VEPH1: variants seen among roughly 807,000 people sequenced by gnomAD.
VEPH1 encodes ventricular zone-expressed PH domain-containing protein homolog 1.
Under a neutral mutation model 85.2 loss-of-function variants are expected in VEPH1, and 80 were observed. That is an observed-to-expected ratio of 0.94 (90% CI 0.78 to 1.13). The LOEUF (loss-of-function observed/expected upper bound fraction) is 1.13. VEPH1 is among the 50% of genes most tolerant of loss of function. The pLI is 0.00. For missense variants in VEPH1, 955 were observed against 980.5 expected (o/e 0.97, Z 0.35); for synonymous variants, 297 against 348.0 (o/e 0.85, Z 1.63).
At chr3:157,399,818 T>A (rs1730677898) in intron 6 of VEPH1, among the ~76,000 whole-genome samples, 1 of 152,104 alleles carries the variant, frequency 6.6e-6, no homozygotes, top group African/African-American at 2.4e-5. Context: ...TTTTTTTTTG[T>A]GGAACAAAGC....
At chr3:157,493,940 G>A (rs981495932) in intron 2 of VEPH1, among the ~76,000 whole-genome samples, 2 of 152,146 alleles carry the variant, frequency 1.3e-5, no homozygotes, top group Non-Finnish European at 2.9e-5. Context: ...GATTTGCAGA[G>A]GAGTGTGAAA....
Position 157,397,861 on chromosome 3 carries a change from G to T in VEPH1, c.906+16020C>A, listed in dbSNP as rs114115456. 4.4e-3 allele frequency among the ~76,000 whole-genome samples: 673 copies of T among 152,288 alleles called. 1 individual carries two copies. The highest frequency in any genetic ancestry group is 0.016 in the African/African-American group (646 of 41,568). On this transcript the variant is annotated intron_variant, in intron 6 of 13. Coordinates refer to ENST00000362010, the MANE Select transcript of VEPH1 (RefSeq NM_001167912.2). ...TTCTAAGCAGAGCGCACAACCACAT[G>T]CATTGCTTGAAGTTCTCCCCACTGG...
chr3:157,277,083 G>A (rs925932351), intron 12 of VEPH1, among the ~76,000 whole-genome samples: 3 of 152,066 alleles, frequency 2.0e-5, no homozygotes, highest in Non-Finnish European at 4.4e-5. Flanking sequence ...TAGATATGGG[G>A]TTATGCCATA....
intron 9 of VEPH1, among the ~76,000 whole-genome samples, chr3:157,347,621 T>A (rs144689576): frequency 6.6e-6 from 1 of 152,216 alleles, no homozygotes; most frequent in Admixed American, 6.5e-5. Context: ...CATGTGGTGA[T>A]TGGAAGCCCA....
At chr3:157,463,117 T>A (rs1190418517) in intron 3 of VEPH1, among the ~76,000 whole-genome samples, 2 of 152,162 alleles carry the variant, frequency 1.3e-5, no homozygotes, top group African/African-American at 4.8e-5. Flanking sequence ...CTGAGGCCAG[T>A]TATATTCCTA....
At chr3:157,325,260 T>C (rs1276150157) in intron 9 of VEPH1, among the ~76,000 whole-genome samples, 1 of 152,210 alleles carries the variant, frequency 6.6e-6, no homozygotes, top group Non-Finnish European at 1.5e-5. Context: ...GATGGATAGA[T>C]TGCAAAAATT....
At chr3:157,467,413 A>G (rs2109428830) in intron 3 of VEPH1, among the ~76,000 whole-genome samples, 1 of 152,342 alleles carries the variant, frequency 6.6e-6, no homozygotes, top group East Asian at 1.9e-4. Context: ...ACTGAAAAAA[A>G]AAATAGAAGA....
chr3:157,502,338 T>G (rs1212858948), intron 1 of VEPH1, among the ~76,000 whole-genome samples: 2 of 152,238 alleles, frequency 1.3e-5, no homozygotes, highest in African/African-American at 4.8e-5. Context: ...AGGAAACATT[T>G]CCTTCAAAAA....
At chr3:157,377,505 A>G (rs528143499) in intron 7 of VEPH1, among the ~76,000 whole-genome samples, 2 of 152,192 alleles carry the variant, frequency 1.3e-5, no homozygotes, top group African/African-American at 2.4e-5. Flanking sequence ...CCCCACCCAA[A>G]TCTCATCTTG....
intron 6 of VEPH1, among the ~76,000 whole-genome samples, chr3:157,396,767 T>A (rs1730419134): frequency 6.6e-6 from 1 of 152,228 alleles, no homozygotes. Flanking sequence ...TTCATGTTCT[T>A]TGTCCACTTT....
chr3:157,371,099 G>T (rs959970591), intron 7 of VEPH1, among the ~76,000 whole-genome samples: 1 of 152,146 alleles, frequency 6.6e-6, no homozygotes, highest in Non-Finnish European at 1.5e-5. Flanking sequence ...GGAGGTTTGC[G>T]CAAGTGTTAC....
intron 9 of VEPH1, among the ~76,000 whole-genome samples, chr3:157,356,353 A>G (rs1338134154): frequency 6.6e-6 from 1 of 152,240 alleles, no homozygotes; most frequent in Non-Finnish European, 1.5e-5. Context: ...CCTCAATCCA[A>G]GTAGACTCTG....
intron 7 of VEPH1, among the ~76,000 whole-genome samples, chr3:157,368,487 G>T (rs369846309): frequency 0.017 from 2,321 of 139,228 alleles, 28 homozygotes; most frequent in Middle Eastern, 0.058. Context: ...TTTTTTGTTT[G>T]TTTGTTTGTT....
At chr3:157,347,159 G>A (rs1415665290) in intron 9 of VEPH1, among the ~76,000 whole-genome samples, 2 of 151,780 alleles carry the variant, frequency 1.3e-5, no homozygotes, top group African/African-American at 2.4e-5. Flanking sequence ...TTTACAGTTT[G>A]CTCACCTGTT....
intron 9 of VEPH1, among the ~76,000 whole-genome samples, chr3:157,329,016 C>T (rs1345987219): frequency 6.6e-6 from 1 of 152,212 alleles, no homozygotes; most frequent in Admixed American, 6.5e-5. Context: ...TTATACTCTG[C>T]AGCTTACATA....
At chr3:157,263,033 G>A (rs527673721) in intron 13 of VEPH1, among the ~76,000 whole-genome samples, 169 of 152,326 alleles carry the variant, frequency 1.1e-3, no homozygotes, top group African/African-American at 3.8e-3. Context: ...TGCCTAGCTA[G>A]TTTGTGGAGA....
At chr3:157,438,705 T>TGA (rs1256532153) in intron 4 of VEPH1, among the ~76,000 whole-genome samples, 1 of 152,230 alleles carries the variant, frequency 6.6e-6, no homozygotes, top group Non-Finnish European at 1.5e-5. Flanking sequence ...AAGTCCCATG[T>TGA]GACACTCCAT....
intron 11 of VEPH1, among the ~76,000 whole-genome samples, chr3:157,303,414 CA>C (rs367880244): frequency 7.6e-4 from 115 of 152,174 alleles, no homozygotes; most frequent in African/African-American, 2.6e-3. Flanking sequence ...CAGGCATTTG[CA>C]AAAAATATTT....
intron 2 of VEPH1, among the ~76,000 whole-genome samples, chr3:157,482,552 T>G (rs946873626): frequency 5.3e-5 from 8 of 152,160 alleles, no homozygotes; most frequent in Non-Finnish European, 1.2e-4. Context: ...GGAATTGTGT[T>G]GAATCTATAA....
Sources: gnomAD v4.1 joint callset for allele counts (sites outside exome capture counted in the v4.1 genomes callset) on GRCh38, gnomAD v4.1.1 for gene constraint, MANE v1.5 for transcripts, NCBI Gene and HGNC (gene_info 2026-07-23, HGNC 2026-07-21) for gene names.